Variants in GBF1 observed in about 807,000 individuals in gnomAD.
The protein encoded by GBF1 is golgi brefeldin A resistant guanine nucleotide exchange factor 1.
GBF1 carries 114 observed loss-of-function variants against 210.5 expected under a neutral mutation model. That is an observed-to-expected ratio of 0.54 (90% CI 0.47 to 0.63). The LOEUF is 0.63. Among genes scored for constraint, GBF1 ranks in the 30% least tolerant of loss-of-function variants. The pLI is 0.00. For synonymous variants in GBF1, 850 were observed against 889.2 expected (o/e 0.96, Z 0.78); for missense variants, 1,851 against 2,357.7 (o/e 0.79, Z 4.45).
At chr10:102,364,504 G>T (rs1244019140) in intron 17 of GBF1, among the ~76,000 whole-genome samples, 1 of 150,784 alleles carries the variant, frequency 6.6e-6, no homozygotes, top group African/African-American at 2.4e-5. Flanking sequence ...GATTACAGTC[G>T]TGAGCCACCA....
chr10:102,338,722 G>A (rs999011891), intron 3 of GBF1, among the ~76,000 whole-genome samples: 1 of 151,806 alleles, frequency 6.6e-6, no homozygotes, highest in Non-Finnish European at 1.5e-5. Flanking sequence ...CAAGGCAGGC[G>A]GATTACCTGA....
At chr10:102,256,836 C>T (rs2072462385) in intron 1 of GBF1, among the ~76,000 whole-genome samples, 1 of 152,122 alleles carries the variant, frequency 6.6e-6, no homozygotes, top group Non-Finnish European at 1.5e-5. Flanking sequence ...TAAAATATTA[C>T]AGATCCAGCC....
At chr10:102,270,226 G>A (rs1448590578) in intron 3 of GBF1, among the ~76,000 whole-genome samples, 1 of 150,744 alleles carries the variant, frequency 6.6e-6, no homozygotes, top group Non-Finnish European at 1.5e-5. Context: ...CTGGAGTGTA[G>A]TGGCGCAATC....
intron 3 of GBF1, among the ~76,000 whole-genome samples, chr10:102,264,173 A>G (rs764727696): frequency 5.9e-5 from 9 of 152,224 alleles, no homozygotes; most frequent in Non-Finnish European, 1.3e-4. Flanking sequence ...ATCTCAGTTT[A>G]TAAAGGAGGC....
At chr10:102,285,396 G>A (rs1293896050) in intron 3 of GBF1, among the ~76,000 whole-genome samples, 1 of 152,184 alleles carries the variant, frequency 6.6e-6, no homozygotes, top group Non-Finnish European at 1.5e-5. Context: ...CCTGATAAAT[G>A]ACTGGCTCTT....
At chr10:102,259,783 CT>C (rs1328163355) in intron 2 of GBF1, among the ~76,000 whole-genome samples, 1 of 152,060 alleles carries the variant, frequency 6.6e-6, no homozygotes, top group East Asian at 1.9e-4. Context: ...TATAAAGGAC[CT>C]GGCAATCTGT....
At chr10:102,367,421 C>G in intron 20 of GBF1, 57 bp from the exon 21 acceptor site, 1 of 1,238,788 alleles carries the variant, frequency 8.1e-7, no homozygotes, top group South Asian at 1.2e-5. Context: ...CCAGGAGTTC[C>G]TTAGGTGGGG....
intron 3 of GBF1, among the ~76,000 whole-genome samples, chr10:102,293,413 A>G (rs1196418481): frequency 6.6e-6 from 1 of 152,158 alleles, no homozygotes; most frequent in East Asian, 1.9e-4. Context: ...TCTATTTCAT[A>G]TATTATATAT....
At position 102,361,095 on chromosome 10, in the gene GBF1, G is replaced by A. The variant is rs762342653; in HGVS notation, c.1466G>A (p.Arg489Gln). Residue 489 changes from arginine (R) to glutamine (Q), a missense_variant, in exon 13 of 40, where the codon CGA becomes CAA. Arg to Gln is a conservative substitution (Grantham distance 43). This residue lies in a region of GBF1 where 804 missense variants were observed against 958.6 expected (regional missense o/e 0.84). Coordinates refer to ENST00000369983, the MANE Select transcript of GBF1 (RefSeq NM_001377137.1). ...RVCFLLFESMREHLKFQMEMY... is the reference protein window; with the variant it reads ...RVCFLLFESMQEHLKFQMEMY... Reference sequence around the variant, plus strand: ...TGCTTCCTACTGTTTGAGAGCATGCGAGAGCACCTCAAGTTCCAAATGGAG... The same window carrying A: ...TGCTTCCTACTGTTTGAGAGCATGCAAGAGCACCTCAAGTTCCAAATGGAG... 2.4e-5 allele frequency: 38 copies of A among 1,597,498 alleles called. No homozygotes were observed. Among genetic ancestry groups the A allele is most frequent in the African/African-American group, 1.3e-5 (1 of 74,572 alleles).
intron 3 of GBF1, among the ~76,000 whole-genome samples, chr10:102,270,224 T>A (rs2074269409): frequency 6.7e-6 from 1 of 149,086 alleles, no homozygotes. Flanking sequence ...GGCTGGAGTG[T>A]AGTGGCGCAA....
At chr10:102,296,632 C>T (rs2076930635) in intron 3 of GBF1, among the ~76,000 whole-genome samples, 1 of 152,066 alleles carries the variant, frequency 6.6e-6, no homozygotes, top group Admixed American at 6.5e-5. Context: ...ATCCCAGCTA[C>T]TCAGGAGACT....
rs538008666 is a variant in GBF1 at position 102,381,219 on chromosome 10, C to T, written c.5266C>T (p.Pro1756Ser). 1.9e-6 allele frequency: 3 copies of T among 1,613,934 alleles called. No homozygotes were observed. The African/African-American group carries it at 4.0e-5, about 22-fold the overall frequency. The change falls in exon 39 of 40, where the codon CCG becomes TCG. Residue 1756 changes from proline to serine, a missense_variant. Pro to Ser is a moderately conservative substitution (Grantham distance 74). Transcript: ENST00000369983. ...AGDTRTPGHP[P>S]PPEIPSELGA... is the part of the protein sequence containing the mutation. ...CGACACTAGGACACCTGGCCATCCA[C>T]CGCCCCCAGAGATTCCATCTGAGCT...
At chr10:102,351,142 C>A in intron 4 of GBF1, 114 bp from the exon 5 acceptor site, 1 of 614,082 alleles carries the variant, frequency 1.6e-6, no homozygotes, top group Non-Finnish European at 2.9e-6. Context: ...GCTCAAGGAG[C>A]CACGGGTTAG....
chr10:102,348,297 T>G (rs1362228518), intron 4 of GBF1, among the ~76,000 whole-genome samples: 2 of 152,176 alleles, frequency 1.3e-5, no homozygotes, highest in Non-Finnish European at 2.9e-5. Context: ...GGACAAGAAC[T>G]ACAAAGAGAT....
rs747623786 is a variant in GBF1 at position 102,380,586 on chromosome 10, G to A, written c.5073G>A (p.Arg1691=). 11 of 1,614,006 alleles carry A rather than the reference G, an allele frequency of 6.8e-6. No individual in the cohort carries two copies. The South Asian group carries it at 1.2e-4, about 18-fold the overall frequency. ...TAEIFHSADA[R]GGGPSALWEI... ...AGATTTTCCACAGTGCAGATGCACGGGGAGGCGGCCCCTCGGCCCTCTGGG... is the reference window on the plus strand; with the variant it reads ...AGATTTTCCACAGTGCAGATGCACGAGGAGGCGGCCCCTCGGCCCTCTGGG... The change falls in exon 38 of 40, where the codon CGG becomes CGA. Residue 1691 remains arginine, a synonymous_variant. Coordinates refer to ENST00000369983, the MANE Select transcript of GBF1 (RefSeq NM_001377137.1).
intron 3 of GBF1, among the ~76,000 whole-genome samples, chr10:102,268,021 A>G (rs950950703): frequency 1.3e-5 from 2 of 152,162 alleles, no homozygotes; most frequent in Admixed American, 6.5e-5. Context: ...CCCAGGGACT[A>G]TTCATATTAA....
At chr10:102,296,039 T>C (rs1195320427) in intron 3 of GBF1, among the ~76,000 whole-genome samples, 1 of 152,160 alleles carries the variant, frequency 6.6e-6, no homozygotes, top group Non-Finnish European at 1.5e-5. Context: ...ATTAAAAAAA[T>C]AAAACACAAT....
intron 3 of GBF1, among the ~76,000 whole-genome samples, chr10:102,317,274 A>G (rs2055895417): frequency 6.6e-6 from 1 of 152,222 alleles, no homozygotes; most frequent in Non-Finnish European, 1.5e-5. Context: ...CTAAAAAATA[A>G]TAATAGCCCA....
chr10:102,247,450 G>T (rs969795755), intron 1 of GBF1, among the ~76,000 whole-genome samples: 2 of 152,106 alleles, frequency 1.3e-5, no homozygotes, highest in Non-Finnish European at 2.9e-5. Context: ...CAAATGAAAT[G>T]ACATACCTCA....
Sources: gnomAD v4.1 joint callset for allele counts (sites outside exome capture counted in the v4.1 genomes callset) on GRCh38, gnomAD v4.1.1 for gene constraint, gnomAD v4.1.1 regional missense constraint, MANE v1.5 for transcripts, NCBI Gene and HGNC (gene_info 2026-07-23, HGNC 2026-07-21) for gene names.